LRRTM4: variants seen among roughly 807,000 people sequenced by gnomAD.
The protein encoded by LRRTM4 is leucine rich repeat transmembrane neuronal 4.
Under a neutral mutation model 47.6 loss-of-function variants are expected in LRRTM4, and 25 were observed. That is an observed-to-expected ratio of 0.53 (90% CI 0.38 to 0.73). The LOEUF (loss-of-function observed/expected upper bound fraction) is 0.73. Ranked by LOEUF, LRRTM4 falls within the 30% of genes least tolerant of loss-of-function variation. The pLI is 0.00. For synonymous variants in LRRTM4, 311 were observed against 269.5 expected, an observed-to-expected ratio of 1.15 and a Z score of -1.51; for missense variants, 638 against 713.4, an observed-to-expected ratio of 0.89 and a Z score of 1.20.
intron 3 of LRRTM4, among the ~76,000 whole-genome samples, chr2:76,775,518 C>A (rs1006689096): frequency 6.6e-6 from 1 of 152,054 alleles, no homozygotes; most frequent in African/African-American, 2.4e-5. Context: ...ACAATAGGGA[C>A]AAATCATCAA....
chr2:77,092,362 T>A (rs1008949158), intron 3 of LRRTM4, among the ~76,000 whole-genome samples: 1 of 151,356 alleles, frequency 6.6e-6, no homozygotes, highest in Non-Finnish European at 1.5e-5. Flanking sequence ...GATTTATTGA[T>A]GGTGGTTCCA....
chr2:76,763,468 A>G (rs1023509660), intron 3 of LRRTM4, among the ~76,000 whole-genome samples: 3 of 152,234 alleles, frequency 2.0e-5, no homozygotes, highest in African/African-American at 7.2e-5. Flanking sequence ...GTCACCCACA[A>G]CCTAAGAGAA....
At chr2:77,263,559 G>T (rs1298093335) in intron 3 of LRRTM4, among the ~76,000 whole-genome samples, 1 of 152,126 alleles carries the variant, frequency 6.6e-6, no homozygotes, top group Non-Finnish European at 1.5e-5. Flanking sequence ...AGGACACCCA[G>T]CCGGTGTCAG....
intron 3 of LRRTM4, among the ~76,000 whole-genome samples, chr2:76,843,927 A>AGAT (rs1481769748): frequency 2.8e-5 from 3 of 108,082 alleles, no homozygotes; most frequent in Non-Finnish European, 5.5e-5. Context: ...TTTTTTTTTG[A>AGAT]GATGGAGTCT....
intron 3 of LRRTM4, among the ~76,000 whole-genome samples, chr2:76,768,863 T>G (rs62170452): frequency 0.2 from 30,140 of 152,024 alleles, 3,485 homozygotes; most frequent in Admixed American, 0.28. Flanking sequence ...TTGGAGAGAT[T>G]AATTGCTTTT....
At chr2:77,079,937 A>G (rs1465266076) in intron 3 of LRRTM4, among the ~76,000 whole-genome samples, 2 of 152,048 alleles carry the variant, frequency 1.3e-5, no homozygotes, top group East Asian at 3.9e-4. Flanking sequence ...TATATTTTTA[A>G]ATGTACCTTT....
chr2:77,079,487 C>T (rs576135502), intron 3 of LRRTM4, among the ~76,000 whole-genome samples: 28 of 152,242 alleles, frequency 1.8e-4, no homozygotes, highest in African/African-American at 6.3e-4. Flanking sequence ...CAGCACAACA[C>T]AAACGTATAA....
chr2:76,864,617 G>A (rs1391524451), intron 3 of LRRTM4, among the ~76,000 whole-genome samples: 1 of 149,702 alleles, frequency 6.7e-6, no homozygotes, highest in African/African-American at 2.5e-5. Context: ...CCGAGATTGT[G>A]CCATTGCATT....
intron 3 of LRRTM4, among the ~76,000 whole-genome samples, chr2:77,215,720 A>G (rs1375080634): frequency 2.0e-5 from 3 of 152,186 alleles, no homozygotes; most frequent in Non-Finnish European, 4.4e-5. Context: ...CTAAACACCC[A>G]GAGTTTCCTT....
At chr2:76,964,969 A>G (rs1409666920) in intron 3 of LRRTM4, among the ~76,000 whole-genome samples, 3 of 143,480 alleles carry the variant, frequency 2.1e-5, no homozygotes, top group Non-Finnish European at 4.5e-5. Context: ...TCCTTGAAAG[A>G]TATAAATGCC....
chr2:76,854,408 G>A (rs941891935), intron 3 of LRRTM4, among the ~76,000 whole-genome samples: 2 of 152,058 alleles, frequency 1.3e-5, no homozygotes, highest in Admixed American at 6.6e-5. Context: ...TGAGGTGGTA[G>A]TCATCTTTCA....
chr2:77,111,864 T>C (rs186234049), intron 3 of LRRTM4, among the ~76,000 whole-genome samples: 9 of 152,262 alleles, frequency 5.9e-5, no homozygotes, highest in Admixed American at 1.3e-4. Context: ...GTTGCTAAAA[T>C]CTATGGTAAG....
At chr2:77,109,137 T>C (rs1009357988) in intron 3 of LRRTM4, among the ~76,000 whole-genome samples, 5 of 152,190 alleles carry the variant, frequency 3.3e-5, no homozygotes, top group African/African-American at 1.2e-4. Flanking sequence ...TTATTTGCCA[T>C]GTTGGGTTTT....
At chr2:76,792,673 T>C (rs907967714) in intron 3 of LRRTM4, among the ~76,000 whole-genome samples, 3 of 151,084 alleles carry the variant, frequency 2.0e-5, no homozygotes, top group African/African-American at 7.4e-5. Context: ...GAATACTAGA[T>C]GAAGACCCTC....
intron 3 of LRRTM4, among the ~76,000 whole-genome samples, chr2:76,808,434 A>G (rs1167237237): frequency 8.7e-6 from 1 of 115,374 alleles, no homozygotes; most frequent in Non-Finnish European, 1.7e-5. Flanking sequence ...ATATATATAC[A>G]TTGATTTTGG....
At chr2:76,869,034 G>T (rs1429816798) in intron 3 of LRRTM4, among the ~76,000 whole-genome samples, 1 of 152,116 alleles carries the variant, frequency 6.6e-6, no homozygotes, top group East Asian at 1.9e-4. Context: ...AAGGTGGCCA[G>T]GCGCGGTGGC....
At chr2:77,229,245 T>C (rs1674898917) in intron 3 of LRRTM4, among the ~76,000 whole-genome samples, 1 of 152,134 alleles carries the variant, frequency 6.6e-6, no homozygotes, top group Non-Finnish European at 1.5e-5. Flanking sequence ...CTTTTCTATA[T>C]TCATTCCCCA....
intron 3 of LRRTM4, among the ~76,000 whole-genome samples, chr2:76,976,620 T>C (rs1676426202): frequency 6.6e-6 from 1 of 151,784 alleles, no homozygotes; most frequent in Non-Finnish European, 1.5e-5. Flanking sequence ...TTCATTTCTC[T>C]ACTCACCCAC....
At chr2:77,203,983 C>T (rs1042840789) in intron 3 of LRRTM4, among the ~76,000 whole-genome samples, 2 of 152,132 alleles carry the variant, frequency 1.3e-5, no homozygotes, top group South Asian at 2.1e-4. Context: ...AACGATGTTG[C>T]ATTGTTTAGT....
Sources: allele counts gnomAD v4.1 joint callset (sites outside exome capture counted in the v4.1 genomes callset), GRCh38; gene constraint gnomAD v4.1.1; transcripts MANE v1.5; gene names NCBI Gene and HGNC (gene_info 2026-07-23, HGNC 2026-07-21).